Variants in ARL6 observed in about 807,000 individuals in gnomAD.
ARL6 encodes the protein ADP-ribosylation factor-like protein 6.
In ARL6, 18 loss-of-function variants were observed where a neutral mutation model predicts 27.1. The ratio of observed to expected loss-of-function variants is 0.66; its 90% CI spans 0.46 to 0.98. The LOEUF (loss-of-function observed/expected upper bound fraction) is 0.98, where lower values mean the gene tolerates loss of function less well. ARL6 is among the 50% of genes least tolerant of loss of function. The probability of loss-of-function intolerance (pLI) is 0.00; values close to 1 mark genes in which losing one functional copy is unlikely to be tolerated. For missense variants in ARL6, 187 were observed against 214.9 expected (o/e 0.87, Z 0.81); for synonymous variants, 65 against 72.3 (o/e 0.90, Z 0.51).
At chr3:97,780,941 G>A (rs2037166904) in intron 4 of ARL6, among the ~76,000 whole-genome samples, 1 of 151,982 alleles carries the variant, frequency 6.6e-6, no homozygotes, top group Non-Finnish European at 1.5e-5. Context: ...TTCAGTTTAA[G>A]GTTAACATAT....
At chr3:97,792,495 G>A (rs1391414785) in intron 7 of ARL6, among the ~76,000 whole-genome samples, 2 of 152,018 alleles carry the variant, frequency 1.3e-5, no homozygotes, top group Non-Finnish European at 2.9e-5. Flanking sequence ...AAAAAAAGAA[G>A]AAGAATCATG....
chr3:97,795,345 G>A (rs1006206615), intron 7 of ARL6, among the ~76,000 whole-genome samples: 1 of 152,102 alleles, frequency 6.6e-6, no homozygotes, highest in African/African-American at 2.4e-5. Context: ...AACTAATAAA[G>A]TGTATTCATT....
At chr3:97,775,401 G>T (rs2036844673) in intron 2 of ARL6, among the ~76,000 whole-genome samples, 1 of 152,026 alleles carries the variant, frequency 6.6e-6, no homozygotes, top group Admixed American at 6.6e-5. Flanking sequence ...AGGGCAGGAA[G>T]CATCCAGCAC....
intron 7 of ARL6, among the ~76,000 whole-genome samples, chr3:97,794,300 C>T (rs1442864243): frequency 6.7e-6 from 1 of 149,938 alleles, no homozygotes; most frequent in African/African-American, 2.5e-5. Flanking sequence ...GCAACCTCTG[C>T]CTCTCAGGTT....
chr3:97,780,046 C>T, intron 2 of ARL6, 113 bp from the exon 3 acceptor site: 4 of 797,060 alleles, frequency 5.0e-6, no homozygotes, highest in East Asian at 5.0e-5. Context: ...TTTGTTAAAT[C>T]CTATCATCTC....
At chr3:97,766,042 G>A (rs2036363421) in intron 1 of ARL6, 1 of 152,118 alleles carries the variant, frequency 6.6e-6, no homozygotes. Context: ...TCATTAACAA[G>A]TATCAAGTGA....
intron 5 of ARL6, among the ~76,000 whole-genome samples, chr3:97,786,148 C>T (rs1045164948): frequency 4.6e-5 from 7 of 151,732 alleles, no homozygotes; most frequent in African/African-American, 1.7e-4. Flanking sequence ...GTCAGGAGTT[C>T]GAGACCAGCC....
intron 7 of ARL6, among the ~76,000 whole-genome samples, chr3:97,795,400 G>A (rs1226656440): frequency 6.6e-6 from 1 of 152,146 alleles, no homozygotes; most frequent in East Asian, 1.9e-4. Flanking sequence ...GCTCCCAGAT[G>A]TGAATATTAG....
At chr3:97,781,425 T>TA (rs2037193184) in intron 4 of ARL6, among the ~76,000 whole-genome samples, 1 of 152,104 alleles carries the variant, frequency 6.6e-6, no homozygotes, top group South Asian at 2.1e-4. Flanking sequence ...AAGCAAAACT[T>TA]AAATTGCCGT....
intron 3 of ARL6, 47 bp downstream of exon 3, chr3:97,780,267 C>T (rs765180521): frequency 1.4e-6 from 2 of 1,401,398 alleles, no homozygotes; most frequent in African/African-American, 2.8e-5. Flanking sequence ...TGAAAAATAA[C>T]AATATTAGGT....
intron 2 of ARL6, among the ~76,000 whole-genome samples, chr3:97,779,547 T>C (rs1184324977): frequency 6.6e-6 from 1 of 152,134 alleles, no homozygotes; most frequent in Non-Finnish European, 1.5e-5. Flanking sequence ...GTCTGGAACA[T>C]ATACAAACTC....
intron 7 of ARL6, 38 bp downstream of exon 7, chr3:97,791,864 T>G: frequency 1.3e-6 from 2 of 1,545,432 alleles, no homozygotes; most frequent in South Asian, 2.3e-5. Flanking sequence ...AGCCTTTGTT[T>G]CCTTTTTATT....
At chr3:97,794,780 T>C (rs1239576729) in intron 7 of ARL6, among the ~76,000 whole-genome samples, 1 of 152,106 alleles carries the variant, frequency 6.6e-6, no homozygotes, top group Admixed American at 6.6e-5. Context: ...TAATTTAATA[T>C]TATTATTTAA....
chr3:97,795,448 A>G (rs2108102474), intron 7 of ARL6, among the ~76,000 whole-genome samples: 1 of 152,346 alleles, frequency 6.6e-6, no homozygotes, highest in South Asian at 2.1e-4. Context: ...ATGAAAGAAG[A>G]TTGATCAAGT....
At chr3:97,795,464 T>C (rs1195558408) in intron 7 of ARL6, among the ~76,000 whole-genome samples, 1 of 152,190 alleles carries the variant, frequency 6.6e-6, no homozygotes, top group African/African-American at 2.4e-5. Context: ...CAAGTATGCT[T>C]AGTTTCATCT....
At chr3:97,784,075 A>C (rs538676862) in intron 4 of ARL6, among the ~76,000 whole-genome samples, 93 of 151,902 alleles carry the variant, frequency 6.1e-4, no homozygotes, top group Admixed American at 3.9e-3. Context: ...TTTAAAAGAA[A>C]GGTATGTAGG....
chr3:97,774,871 T>C (rs527824771), intron 2 of ARL6, among the ~76,000 whole-genome samples: 1 of 152,288 alleles, frequency 6.6e-6, no homozygotes, highest in African/African-American at 2.4e-5. Context: ...CATAATTTTC[T>C]TTCATTACTT....
chr3:97,800,490 T>C lies in ARL6; in HGVS notation c.*2441T>C, dbSNP rs2038206683. The C allele has an allele frequency of 6.6e-6, 1 of 152,162 alleles. No homozygotes were observed. Among genetic ancestry groups the C allele is most frequent in the African/African-American group, 2.4e-5 (1 of 41,446 alleles). The allele number at this position is 152,162 out of a possible 1,614,324, so 9.4% of individuals were successfully genotyped here. On this transcript the variant is annotated 3_prime_UTR_variant, in exon 8 of 8. Coordinates refer to ENST00000463745, the MANE Select transcript of ARL6 (RefSeq NM_001278293.3). ...ACTTATCCTCTTGTATGTTAAATATTTAAATATTTGTATATGGCCCTATTC... is the reference window on the plus strand; with the variant it reads ...ACTTATCCTCTTGTATGTTAAATATCTAAATATTTGTATATGGCCCTATTC...
chr3:97,784,040 A>T (rs1379305662), intron 4 of ARL6, among the ~76,000 whole-genome samples: 1 of 151,924 alleles, frequency 6.6e-6, no homozygotes, highest in Non-Finnish European at 1.5e-5. Flanking sequence ...AACATTTCTA[A>T]TAAATCTTAA....
Sources: allele counts gnomAD v4.1 joint callset (sites outside exome capture counted in the v4.1 genomes callset), GRCh38; gene constraint gnomAD v4.1.1; transcripts MANE v1.5; gene names NCBI Gene and HGNC (gene_info 2026-07-23, HGNC 2026-07-21).